SBNO1: variants seen among roughly 807,000 people sequenced by gnomAD.
SBNO1 encodes strawberry notch homolog 1, also known as protein strawberry notch homolog 1.
Under a neutral mutation model 173.6 loss-of-function variants are expected in SBNO1, and 23 were observed. The observed-to-expected ratio is 0.13, with a 90% CI of 0.10 to 0.19. The LOEUF is 0.19. SBNO1 is among the 10% of genes least tolerant of loss of function. The probability of loss-of-function intolerance (pLI) is 1.00; values close to 1 mark genes in which losing one functional copy is unlikely to be tolerated. For synonymous variants in SBNO1, 632 were observed against 571.5 expected, an observed-to-expected ratio of 1.11 and a Z score of -1.51; for missense variants, 1,238 against 1,671.2, an observed-to-expected ratio of 0.74 and a Z score of 4.52.
At chr12:123,296,659 G>C (rs11057248) in intron 31 of SBNO1, among the ~76,000 whole-genome samples, 16,711 of 151,118 alleles carry the variant, frequency 0.11, 1,038 homozygotes, top group East Asian at 0.29. Flanking sequence ...CTCCCGGGTT[G>C]AAGTGATTCT....
rs572931670 is a variant in SBNO1, at chr12:123,350,580, A to C, written c.1-139T>G. ...ATGAAGAACCTGCCATGTCTCAGAC[A>C]AAGAGGATAAAAGAGAAATAGTCTT... On this transcript the variant is annotated intron_variant, in intron 1 of 31. Transcript: ENST00000602398. The C allele has an allele frequency of 1.6e-4, 109 of 687,718 alleles. 2 individuals carry two copies. In the South Asian group the frequency reaches 1.9e-3, roughly 12 times the overall value. 42.6% of individuals were successfully genotyped at this position (687,718 alleles called of 1,614,324 possible).
At chr12:123,323,206 G>A (rs1870207327) in intron 16 of SBNO1, among the ~76,000 whole-genome samples, 1 of 152,142 alleles carries the variant, frequency 6.6e-6, no homozygotes. Flanking sequence ...TTAAAACGGG[G>A]ATAACTTGTG....
intron 5 of SBNO1, among the ~76,000 whole-genome samples, chr12:123,340,305 G>A (rs189097364): frequency 1.3e-5 from 2 of 152,260 alleles, no homozygotes; most frequent in Non-Finnish European, 2.9e-5. Flanking sequence ...ACCAGGCCGG[G>A]TGCAGTGGCT....
intron 23 of SBNO1, among the ~76,000 whole-genome samples, chr12:123,314,322 A>T (rs186376782): frequency 8.0e-6 from 1 of 125,230 alleles, no homozygotes; most frequent in East Asian, 2.8e-4. Flanking sequence ...GCCCGCCACC[A>T]TGCCCAACTA....
chr12:123,340,398 T>G (rs1234814008), intron 5 of SBNO1, among the ~76,000 whole-genome samples: 3 of 151,868 alleles, frequency 2.0e-5, no homozygotes, highest in Non-Finnish European at 2.9e-5. Flanking sequence ...CTGGCCAACA[T>G]GGTGAAACCC....
chr12:123,350,451 G>A lies in SBNO1; in HGVS notation c.1-10C>T. On this transcript the variant is annotated splice_polypyrimidine_tract_variant and intron_variant, in intron 1 of 31. Transcript: ENST00000602398. ...GCCCTGGCTCCACCATCTTTAAAGG[G>A]AAATATTAAATATTAACATAAAAAA... 2 of 1,608,650 alleles carry A rather than the reference G, an allele frequency of 1.2e-6. No individual in the cohort carries two copies. Among genetic ancestry groups the A allele is most frequent in the Non-Finnish European group, 8.5e-7 (1 of 1,175,530 alleles).
intron 10 of SBNO1, among the ~76,000 whole-genome samples, chr12:123,328,245 C>T (rs1870810391): frequency 6.6e-6 from 1 of 152,160 alleles, no homozygotes; most frequent in Non-Finnish European, 1.5e-5. Flanking sequence ...CAGCAATTTG[C>T]CTCTAAATTA....
chr12:123,310,758 C>G (rs1435138854), intron 25 of SBNO1, among the ~76,000 whole-genome samples: 1 of 151,902 alleles, frequency 6.6e-6, no homozygotes, highest in Non-Finnish European at 1.5e-5. Flanking sequence ...TGGTTGCAAA[C>G]TCCTGACCTT....
chr12:123,327,091 C>A (rs1189494855), intron 13 of SBNO1, among the ~76,000 whole-genome samples: 2 of 152,182 alleles, frequency 1.3e-5, no homozygotes, highest in East Asian at 3.9e-4. Context: ...CAGCAACCTC[C>A]GCCTCCTGGG....
intron 7 of SBNO1, among the ~76,000 whole-genome samples, chr12:123,332,327 TGTTGCCCA>T (rs1871314612): frequency 6.6e-6 from 1 of 152,014 alleles, no homozygotes; most frequent in Non-Finnish European, 1.5e-5. Flanking sequence ...GTTTTGCTCT[TGTTGCCCA>T]GGCTAGAGTG....
chr12:123,311,883 G>A (rs1342680745), intron 24 of SBNO1, among the ~76,000 whole-genome samples: 1 of 150,818 alleles, frequency 6.6e-6, no homozygotes, highest in Non-Finnish European at 1.5e-5. Flanking sequence ...CTACAGGCGT[G>A]CACCACCGTG....
At chr12:123,325,451 T>C in intron 15 of SBNO1, 51 bp downstream of exon 15, 1 of 1,301,880 alleles carries the variant, frequency 7.7e-7, no homozygotes, top group Non-Finnish European at 1.1e-6. Context: ...GGAACTAAGG[T>C]AAGGAAGAAC....
chr12:123,354,240 T>A (rs1874185221), intron 1 of SBNO1, among the ~76,000 whole-genome samples: 1 of 152,218 alleles, frequency 6.6e-6, no homozygotes, highest in Non-Finnish European at 1.5e-5. Flanking sequence ...TATACTTGTA[T>A]ATACCAAAAC....
intron 16 of SBNO1, 77 bp from the exon 17 acceptor site, chr12:123,321,809 GAATT>G (rs1422279073): frequency 5.9e-6 from 7 of 1,179,468 alleles, no homozygotes; most frequent in Middle Eastern, 1.9e-4. Flanking sequence ...TTTAGTTCAT[GAATT>G]AATTCAAATG....
intron 5 of SBNO1, among the ~76,000 whole-genome samples, chr12:123,337,620 A>C (rs187070894): frequency 5.3e-5 from 8 of 152,324 alleles, no homozygotes; most frequent in Admixed American, 2.0e-4. Context: ...AAATCTAAAA[A>C]CTTGGAATGT....
chr12:123,314,838 C>T lies in SBNO1; in HGVS notation c.3120+535G>A, dbSNP rs544035040. Among the ~76,000 whole-genome samples, 16 of 152,182 alleles carry T rather than the reference C, an allele frequency of 1.1e-4. No homozygotes were observed. In the South Asian group the frequency reaches 3.3e-3, roughly 32 times the overall value. ...TCTCGAATTCCTGACCTCAGGTGACCCACCTGCCTTGGCCTCCTATATTCT... is the reference window on the plus strand; with the variant it reads ...TCTCGAATTCCTGACCTCAGGTGACTCACCTGCCTTGGCCTCCTATATTCT... On this transcript the variant is annotated intron_variant, in intron 23 of 31. Coordinates refer to ENST00000602398, the MANE Select transcript of SBNO1 (RefSeq NM_001167856.3).
chr12:123,334,289 C>T lies in SBNO1; in HGVS notation c.749-76G>A, dbSNP rs568673635. 1,280 of 882,314 alleles carry T rather than the reference C, an allele frequency of 1.5e-3. 1 individual carries two copies. Among genetic ancestry groups the T allele is most frequent in the Non-Finnish European group, 2.0e-3 (1,176 of 585,822 alleles). The allele number at this position is 882,314 out of a possible 1,614,324, so 54.7% of individuals were successfully genotyped here. A position where few individuals can be genotyped will look rare whatever the true frequency, so the allele number is the denominator to read the frequency against. ...TTTCCAGTTTCATTATAAGATATTT[C>T]AATGTTTTTCTTATAACATAGAAAA... On this transcript the variant is annotated intron_variant, in intron 6 of 31. Coordinates refer to ENST00000602398, the MANE Select transcript of SBNO1 (RefSeq NM_001167856.3).
intron 15 of SBNO1, among the ~76,000 whole-genome samples, chr12:123,325,262 CT>C (rs1461970169): frequency 6.6e-6 from 1 of 152,214 alleles, no homozygotes; most frequent in African/African-American, 2.4e-5. Flanking sequence ...TCTAGCCCTT[CT>C]GTTAGTTCAC....
At chr12:123,329,798 G>GC (rs1375144550) in intron 9 of SBNO1, among the ~76,000 whole-genome samples, 3 of 152,170 alleles carry the variant, frequency 2.0e-5, no homozygotes, top group Non-Finnish European at 4.4e-5. Context: ...TACTAGGGAG[G>GC]CCCTTCCAGG....
Sources: allele counts gnomAD v4.1 joint callset (sites outside exome capture counted in the v4.1 genomes callset), GRCh38; gene constraint gnomAD v4.1.1; transcripts MANE v1.5; gene names NCBI Gene and HGNC (gene_info 2026-07-23, HGNC 2026-07-21).